The following OSBPL3 variants were observed in gnomAD, a reference collection of about 807,000 sequenced individuals.
OSBPL3 encodes oxysterol-binding protein-related protein 3.
OSBPL3 carries 65 observed loss-of-function variants against 120.1 expected under a neutral mutation model. The ratio of observed to expected loss-of-function variants is 0.54; its 90% CI spans 0.44 to 0.67. The LOEUF is 0.67. Ranked by LOEUF, OSBPL3 falls within the 30% of genes least tolerant of loss-of-function variation. The pLI is 0.00. For synonymous variants in OSBPL3, 416 were observed against 402.6 expected (o/e 1.03, Z -0.40); for missense variants, 1,004 against 1,082.1 (o/e 0.93, Z 1.01).
Position 24,852,860 on chromosome 7 carries a change from T to C in OSBPL3, c.1028-226A>G, listed in dbSNP as rs1392262992. Among the ~76,000 whole-genome samples, 1 of 152,128 alleles carries C rather than the reference T, an allele frequency of 6.6e-6. No homozygotes were observed. The highest frequency in any genetic ancestry group is 1.5e-5 in the Non-Finnish European group (1 of 68,014). ...ATGATGATGTGTCCACGTAGGTTCATTGACTGTAAGAGATGCAGTACTCTG... is the reference window on the plus strand; with the variant it reads ...ATGATGATGTGTCCACGTAGGTTCACTGACTGTAAGAGATGCAGTACTCTG... On this transcript the variant is annotated intron_variant, in intron 10 of 22. Coordinates refer to ENST00000313367, the MANE Select transcript of OSBPL3 (RefSeq NM_015550.4). The surrounding 1 kb of genome is among the most constrained non-coding windows in gnomAD (Gnocchi z 4.1).
chr7:24,980,599 C>G (rs1485515882), upstream of OSBPL3, among the ~76,000 whole-genome samples: 5 of 151,906 alleles, frequency 3.3e-5, no homozygotes. Context: ...TCCAGGGGAC[C>G]CTTGCGGTCG....
chr7:24,807,230 T>C (rs1584183773), intron 20 of OSBPL3, among the ~76,000 whole-genome samples: 1 of 152,192 alleles, frequency 6.6e-6, no homozygotes, highest in East Asian at 1.9e-4. Flanking sequence ...TGGTGGCTCA[T>C]GCCTGTAATC....
At chr7:24,962,281 C>T (rs1384115179) in intron 1 of OSBPL3, among the ~76,000 whole-genome samples, 3 of 150,172 alleles carry the variant, frequency 2.0e-5, no homozygotes, top group Non-Finnish European at 3.0e-5. Flanking sequence ...CCAGCCTGGG[C>T]GACGAGAGTG....
chr7:24,973,148 A>T (rs1817215085), intron 1 of OSBPL3, among the ~76,000 whole-genome samples: 1 of 152,184 alleles, frequency 6.6e-6, no homozygotes. Flanking sequence ...CTATTTTTTT[A>T]ACTCAGATCT....
At chr7:24,923,229 C>G (rs1186581800) in intron 1 of OSBPL3, among the ~76,000 whole-genome samples, 1 of 152,218 alleles carries the variant, frequency 6.6e-6, no homozygotes, top group African/African-American at 2.4e-5. Context: ...TGGAGCTCCT[C>G]AGGACTGGGG....
At position 24,953,282 on chromosome 7, in the gene OSBPL3, T is replaced by A. The variant is rs1814658633; in HGVS notation, c.-150+26604A>T. Reference sequence around the variant, plus strand: ...TCAATTCTCAATATGCCATCATTTGTCAGCTCTGCCAAGGAGTAAGCCCCA... The same window carrying A: ...TCAATTCTCAATATGCCATCATTTGACAGCTCTGCCAAGGAGTAAGCCCCA... On this transcript the variant is annotated intron_variant, in intron 1 of 22. Transcript: ENST00000313367. The surrounding 1 kb of genome is among the most constrained non-coding windows in gnomAD (Gnocchi z 4.3). Among the ~76,000 whole-genome samples, 1 of 152,236 alleles carries A rather than the reference T, an allele frequency of 6.6e-6. No individual in the cohort carries two copies. The highest frequency in any genetic ancestry group is 2.4e-5 in the African/African-American group (1 of 41,454).
At chr7:24,944,452 C>A (rs1813470172) in intron 1 of OSBPL3, among the ~76,000 whole-genome samples, 1 of 152,006 alleles carries the variant, frequency 6.6e-6, no homozygotes, top group South Asian at 2.1e-4. Context: ...CATGGCGAAA[C>A]CCCGTCTCTA....
chr7:24,977,590 C>T (rs1427755389), intron 1 of OSBPL3, among the ~76,000 whole-genome samples: 1 of 152,184 alleles, frequency 6.6e-6, no homozygotes, highest in African/African-American at 2.4e-5. Context: ...GGCGCGGTGG[C>T]TCACGCCTGT....
intron 1 of OSBPL3, among the ~76,000 whole-genome samples, chr7:24,931,296 G>T (rs992796396): frequency 1.7e-4 from 26 of 152,162 alleles, no homozygotes; most frequent in African/African-American, 5.8e-4. Context: ...CCTGTCTGTG[G>T]TAGGCAGAAT....
In OSBPL3 at chr7:24,830,903, T is replaced by A; in HGVS notation, c.1749A>T (p.Val583=). ...AQIPSPLERM[V]YVAAFAISAY... ...CTGATATGGCAAAGGCTGCCACATA[T>A]ACCTAAGGACAAGAGAAAAGAACTT... The change falls in exon 16 of 23, where the codon GTA becomes GTT. Residue 583 remains valine (V), a splice_region_variant and synonymous_variant. Transcript: ENST00000313367. The surrounding 1 kb of genome is among the most constrained non-coding windows in gnomAD (Gnocchi z 4.4). 6.2e-7 allele frequency: 1 copy of A among 1,605,256 alleles called. No homozygotes were observed. Among genetic ancestry groups the A allele is most frequent in the Non-Finnish European group, 8.5e-7 (1 of 1,177,642 alleles).
chr7:24,847,059 C>CA lies in OSBPL3; in HGVS notation c.1266+2009dup, dbSNP rs10712873. Among the ~76,000 whole-genome samples the CA allele has an allele frequency of 2.2e-3, 238 of 106,090 alleles. 1 individual carries two copies. Among genetic ancestry groups the CA allele is most frequent in the South Asian group, 8.3e-3 (27 of 3,252 alleles). 69.6% of individuals were successfully genotyped at this position (106,090 alleles called of 152,430 possible). ...TGGGCGACAGAGCGAGACTCTGTCTCAAAAAAAAAAAAAAAAAAAGAAAGA... is the reference window on the plus strand; with the variant it reads ...TGGGCGACAGAGCGAGACTCTGTCTCAAAAAAAAAAAAAAAAAAAAGAAAGA... On this transcript the variant is annotated intron_variant, in intron 12 of 22. Coordinates refer to ENST00000313367, the MANE Select transcript of OSBPL3 (RefSeq NM_015550.4).
intron 19 of OSBPL3, among the ~76,000 whole-genome samples, chr7:24,812,932 G>C (rs988608500): frequency 6.6e-6 from 1 of 152,230 alleles, no homozygotes; most frequent in Non-Finnish European, 1.5e-5. Context: ...AGAGTAGAGT[G>C]CAGTGGTGCA....
In OSBPL3 at chr7:24,959,161, G is replaced by T. The variant is rs1201371650; in HGVS notation, c.-150+20725C>A. On this transcript the variant is annotated intron_variant, in intron 1 of 22. Transcript: ENST00000313367. The surrounding 1 kb of genome is among the most constrained non-coding windows in gnomAD (Gnocchi z 4.3). ...ATGGGCACAACCATTTTGGAAAACT[G>T]TTTGGGGGAATCAACTGAAGCTAAA... Among the ~76,000 whole-genome samples the T allele has an allele frequency of 6.6e-6, 1 of 152,124 alleles. No homozygotes were observed. Among genetic ancestry groups the T allele is most frequent in the Middle Eastern group, 3.2e-3 (1 of 316 alleles).
rs117020226 is a variant in OSBPL3, at chr7:24,952,538, C to T, written c.-150+27348G>A. Among the ~76,000 whole-genome samples, 5 of 152,292 alleles carry T rather than the reference C, an allele frequency of 3.3e-5. No individual in the cohort carries two copies. Among genetic ancestry groups the T allele is most frequent in the Non-Finnish European group, 5.9e-5 (4 of 68,034 alleles). On this transcript the variant is annotated intron_variant, in intron 1 of 22. Coordinates refer to ENST00000313367, the MANE Select transcript of OSBPL3 (RefSeq NM_015550.4). This position sits in a 1 kb window ranked among gnomAD's most constrained non-coding sequence, Gnocchi z 4.4. ...AAATTGGATGAAATTTTAGATGTTG[C>T]TCTATAAATATGGAAAGATGCTCAT... is the stretch of plus-strand genomic sequence containing the variant.
At position 24,892,546 on chromosome 7, in the gene OSBPL3, C is replaced by T; in HGVS notation, c.-74G>A. On this transcript the variant is annotated 5_prime_UTR_variant, in exon 2 of 23. Coordinates refer to ENST00000313367, the MANE Select transcript of OSBPL3 (RefSeq NM_015550.4). The stretch of plus-strand genomic sequence containing the variant: ...CAAGGGAGCCGAGAGTATGGAAGTC[C>T]CCAGTGGCAGGTGGTTTAGCTCTTA... 1.3e-6 allele frequency: 2 copies of T among 1,556,808 alleles called. No individual in the cohort carries two copies. Among genetic ancestry groups the T allele is most frequent in the East Asian group, 2.3e-5 (1 of 43,862 alleles).
rs575559083 is a variant in OSBPL3, at chr7:24,805,114, A to C, written c.2445-677T>G. Among the ~76,000 whole-genome samples, 1 of 152,308 alleles carries C rather than the reference A, an allele frequency of 6.6e-6. No homozygotes were observed. Among genetic ancestry groups the C allele is most frequent in the African/African-American group, 2.4e-5 (1 of 41,584 alleles). On this transcript the variant is annotated intron_variant, in intron 21 of 22. Coordinates refer to ENST00000313367, the MANE Select transcript of OSBPL3 (RefSeq NM_015550.4). This position sits in a 1 kb window ranked among gnomAD's most constrained non-coding sequence, Gnocchi z 4.0. Reference sequence around the variant, plus strand: ...TCTGTAGGAGAAATTTCTAGAAGTGAAATTGCTGGATGAAAGGGTGAGTGT... The same window carrying C: ...TCTGTAGGAGAAATTTCTAGAAGTGCAATTGCTGGATGAAAGGGTGAGTGT...
rs1425697326 is a variant in OSBPL3, at chr7:24,862,796, G to C, written c.870+404C>G. ...CCAGAGAATCAGGCCTGTGGGCTTA[G>C]AGGGATGACAAATCCATGGAGCATC... On this transcript the variant is annotated intron_variant, in intron 9 of 22. Coordinates refer to ENST00000313367, the MANE Select transcript of OSBPL3 (RefSeq NM_015550.4). This position sits in a 1 kb window ranked among gnomAD's most constrained non-coding sequence, Gnocchi z 4.4. 6.6e-6 allele frequency among the ~76,000 whole-genome samples: 1 copy of C among 152,124 alleles called. No homozygotes were observed. The highest frequency in any genetic ancestry group is 1.5e-5 in the Non-Finnish European group (1 of 68,038).
intron 20 of OSBPL3, 72 bp downstream of exon 20, chr7:24,809,735 T>C: frequency 2.1e-6 from 3 of 1,442,434 alleles, no homozygotes; most frequent in South Asian, 2.4e-5. Context: ...ACTCCTGTCC[T>C]CTGTGGCTTC....
At chr7:24,978,582 CTCCTTTAGCCAAGTATAG>C (rs765628377) in intron 1 of OSBPL3, among the ~76,000 whole-genome samples, 4 of 152,186 alleles carry the variant, frequency 2.6e-5, no homozygotes, top group South Asian at 2.1e-4. Context: ...CTTGACTGAT[CTCCTTTAGCCAAGTATAG>C]TCCTTTAGCC....
Sources: allele counts gnomAD v4.1 joint callset (sites outside exome capture counted in the v4.1 genomes callset), GRCh38; gene constraint gnomAD v4.1.1; non-coding constraint Gnocchi (gnomAD v3.1); transcripts MANE v1.5; gene names NCBI Gene and HGNC (gene_info 2026-07-23, HGNC 2026-07-21).